The following WDR82 variants were observed in gnomAD, a reference collection of about 807,000 sequenced individuals.
The protein encoded by WDR82 is WD repeat domain 82.
WDR82 carries 8 observed loss-of-function variants against 36.1 expected under a neutral mutation model. The observed-to-expected ratio is 0.22, with a 90% confidence interval of 0.13 to 0.40. The LOEUF is 0.40. WDR82 is among the 10% of genes least tolerant of loss of function. WDR82 has a pLI of 1.00. For missense variants in WDR82, 185 were observed against 400.5 expected (o/e 0.46, Z 4.59); for synonymous variants, 129 against 137.8 (o/e 0.94, Z 0.45).
chr3:52,265,290 ACT>A (rs1407056506), intron 3 of WDR82, among the ~76,000 whole-genome samples: 26 of 106,188 alleles, frequency 2.4e-4, no homozygotes, highest in Non-Finnish European at 3.9e-4. Context: ...ACAGAGCGAG[ACT>A]CTGTCTCAAA....
chr3:52,258,197 C>T (rs943876994), intron 8 of WDR82, among the ~76,000 whole-genome samples: 2 of 152,136 alleles, frequency 1.3e-5, no homozygotes. Flanking sequence ...CCACAAAAGG[C>T]CGGTTCAGAG....
Position 52,258,680 on chromosome 3 carries a change from T to C in WDR82, c.770-2A>G. 1 of 1,614,136 alleles carries C rather than the reference T, an allele frequency of 6.2e-7. No homozygotes were observed. The highest frequency in any genetic ancestry group is 8.5e-7 in the Non-Finnish European group (1 of 1,180,040). On this transcript the variant is annotated splice_acceptor_variant, in intron 7 of 8. Coordinates refer to ENST00000296490, the MANE Select transcript of WDR82 (RefSeq NM_025222.4). LOFTEE classifies it high-confidence loss of function. ...CATGGATCTTGCCATCCTCTGAACCTAAAGAGGATATTCACGGAAAATGTA... is the reference window on the plus strand; with the variant it reads ...CATGGATCTTGCCATCCTCTGAACCCAAAGAGGATATTCACGGAAAATGTA...
intron 1 of WDR82, among the ~76,000 whole-genome samples, chr3:52,276,330 G>A (rs1700202287): frequency 6.6e-6 from 1 of 150,992 alleles, no homozygotes; most frequent in African/African-American, 2.4e-5. Flanking sequence ...ATTTGTGAGG[G>A]TGAGGCAGGA....
chr3:52,274,434 G>C lies in WDR82; in HGVS notation c.162-3625C>G, dbSNP rs772518525. On this transcript the variant is annotated intron_variant, in intron 1 of 8. Transcript: ENST00000296490. ...AATAAAAATAGCCAAGTAAGTTGGC[G>C]AGTGCTTGTAGGCCCAACTACTTTG... Among the ~76,000 whole-genome samples, 3 of 152,266 alleles carry C rather than the reference G, an allele frequency of 2.0e-5. No homozygotes were observed. The South Asian group carries it at 6.2e-4, about 32-fold the overall frequency.
chr3:52,270,499 T>C (rs531992147), intron 2 of WDR82, among the ~76,000 whole-genome samples: 4 of 152,244 alleles, frequency 2.6e-5, no homozygotes, highest in Non-Finnish European at 5.9e-5. Context: ...CCACTCTGAA[T>C]TGAAGACTTT....
At chr3:52,267,272 G>A in intron 2 of WDR82, 1 of 317,412 alleles carries the variant, frequency 3.2e-6, no homozygotes, top group Non-Finnish European at 6.0e-6. Context: ...TTACCAATTT[G>A]GTTTCTTCAT....
At chr3:52,266,374 T>C (rs1226914119) in intron 3 of WDR82, among the ~76,000 whole-genome samples, 2 of 152,024 alleles carry the variant, frequency 1.3e-5, no homozygotes, top group African/African-American at 2.4e-5. Flanking sequence ...TTTATATGTA[T>C]ATATAAAACT....
intron 4 of WDR82, among the ~76,000 whole-genome samples, chr3:52,261,125 CAAAACAAAAACA>C: frequency 6.6e-6 from 1 of 151,996 alleles, no homozygotes; most frequent in East Asian, 1.9e-4. Context: ...AACCCTGTCT[CAAAACAAAAACA>C]AAAACAAAAC....
At chr3:52,261,359 A>G (rs773538926) in intron 4 of WDR82, 21 bp downstream of exon 4, 11 of 1,600,918 alleles carry the variant, frequency 6.9e-6, no homozygotes, top group East Asian at 2.3e-5. Flanking sequence ...CTCAAAAAGT[A>G]TAACTGTGAG....
intron 3 of WDR82, among the ~76,000 whole-genome samples, chr3:52,265,188 T>C (rs1434013775): frequency 6.6e-6 from 1 of 150,794 alleles, no homozygotes; most frequent in Non-Finnish European, 1.5e-5. Flanking sequence ...TGGTCCCAGC[T>C]ACTCAGGAGG....
intron 1 of WDR82, among the ~76,000 whole-genome samples, chr3:52,275,743 G>C (rs1024140327): frequency 2.6e-5 from 4 of 152,118 alleles, no homozygotes; most frequent in Non-Finnish European, 5.9e-5. Flanking sequence ...AATTAGCCAG[G>C]CATGGTGGCA....
intron 5 of WDR82, 45 bp from the exon 6 acceptor site, chr3:52,259,917 C>A: frequency 6.3e-7 from 1 of 1,577,384 alleles, no homozygotes; most frequent in Non-Finnish European, 8.6e-7. Context: ...TTAATAATTT[C>A]TTCTGCTAGA....
chr3:52,278,117 G>C, intron 1 of WDR82, 84 bp downstream of exon 1: 1 of 1,369,958 alleles, frequency 7.3e-7, no homozygotes, highest in Non-Finnish European at 9.6e-7. Flanking sequence ...GCTGAAGTCG[G>C]GACGGAGGGC....
At chr3:52,277,968 G>A (rs59702344) in intron 1 of WDR82, among the ~76,000 whole-genome samples, 2 of 152,318 alleles carry the variant, frequency 1.3e-5, no homozygotes, top group South Asian at 2.1e-4. Context: ...GCTCAAAGGA[G>A]ACCGAAGACA....
intron 8 of WDR82, among the ~76,000 whole-genome samples, chr3:52,257,940 T>TA (rs1021034034): frequency 3.2e-4 from 46 of 144,262 alleles, no homozygotes; most frequent in Admixed American, 1.2e-3. Context: ...TTTTCTTGGT[T>TA]AAAAAAAAAA....
chr3:52,276,165 A>G (rs1361788217), intron 1 of WDR82, among the ~76,000 whole-genome samples: 1 of 152,132 alleles, frequency 6.6e-6, no homozygotes, highest in Non-Finnish European at 1.5e-5. Flanking sequence ...CAGGCACAGC[A>G]GCTCATGCCT....
intron 2 of WDR82, among the ~76,000 whole-genome samples, chr3:52,269,299 G>T (rs943359709): frequency 1.3e-5 from 2 of 151,808 alleles, no homozygotes; most frequent in Non-Finnish European, 2.9e-5. Context: ...ACATGGTGAA[G>T]TCCCAACTCT....
Position 52,278,433 on chromosome 3 carries a change from A to T in WDR82, c.-72T>A, listed in dbSNP as rs1403937637. On this transcript the variant is annotated 5_prime_UTR_variant, in exon 1 of 9. Coordinates refer to ENST00000296490, the MANE Select transcript of WDR82 (RefSeq NM_025222.4). ...CCGGCGGCGAGCGGGCGGGCTGCCG[A>T]GGGGCCAACCCAGGCGGGGCGGGCG... is the stretch of plus-strand genomic sequence containing the variant. 9 of 1,186,712 alleles carry T rather than the reference A, an allele frequency of 7.6e-6. No individual in the cohort carries two copies. The highest frequency in any genetic ancestry group is 9.4e-6 in the Non-Finnish European group (9 of 958,606). 73.5% of individuals were successfully genotyped at this position (1,186,712 alleles called of 1,614,324 possible).
chr3:52,275,973 T>C (rs1026784194), intron 1 of WDR82, among the ~76,000 whole-genome samples: 3 of 152,190 alleles, frequency 2.0e-5, no homozygotes, highest in Non-Finnish European at 4.4e-5. Context: ...ACACAGTACA[T>C]ATAAATATTT....
Sources: allele counts gnomAD v4.1 joint callset (sites outside exome capture counted in the v4.1 genomes callset), GRCh38; gene constraint gnomAD v4.1.1; transcripts MANE v1.5; gene names NCBI Gene and HGNC (gene_info 2026-07-23, HGNC 2026-07-21).